The following ADAM23 variants were observed in gnomAD, a reference collection of about 807,000 sequenced individuals.
ADAM23 encodes disintegrin and metalloproteinase domain-containing protein 23.
ADAM23 carries 33 observed loss-of-function variants against 120.1 expected under a neutral mutation model. The observed-to-expected ratio is 0.27, with a 90% CI of 0.21 to 0.37. The LOEUF is 0.37. ADAM23 is among the 10% of genes least tolerant of loss of function. The pLI, the probability that ADAM23 is intolerant of heterozygous loss-of-function variation, is 1.00. For missense variants in ADAM23, 862 were observed against 1,058.2 expected, an observed-to-expected ratio of 0.81 and a Z score of 2.57; for synonymous variants, 367 against 375.2, an observed-to-expected ratio of 0.98 and a Z score of 0.25.
intron 24 of ADAM23, among the ~76,000 whole-genome samples, chr2:206,603,727 T>C (rs1023180162): frequency 2.0e-5 from 3 of 152,234 alleles, no homozygotes; most frequent in Non-Finnish European, 4.4e-5. Context: ...GATTTTGTCT[T>C]GTTTCTGCAG....
At chr2:206,600,558 C>G (rs1265513501) in intron 24 of ADAM23, among the ~76,000 whole-genome samples, 1 of 152,046 alleles carries the variant, frequency 6.6e-6, no homozygotes, top group African/African-American at 2.4e-5. Context: ...AAAATGAAGG[C>G]GAATTCTATG....
chr2:206,530,055 C>T (rs1367232602), intron 3 of ADAM23, among the ~76,000 whole-genome samples: 1 of 152,122 alleles, frequency 6.6e-6, no homozygotes, highest in African/African-American at 2.4e-5. Flanking sequence ...GTGATCCACC[C>T]GCCTCAGCCT....
intron 4 of ADAM23, among the ~76,000 whole-genome samples, chr2:206,532,182 G>A (rs760846294): frequency 2.0e-5 from 3 of 152,128 alleles, no homozygotes; most frequent in African/African-American, 4.8e-5. Context: ...TCTGTCAGCT[G>A]TGCCAGGGCC....
chr2:206,591,640 G>T (rs1477006018), intron 21 of ADAM23, among the ~76,000 whole-genome samples: 2 of 152,110 alleles, frequency 1.3e-5, no homozygotes, highest in African/African-American at 4.8e-5. Context: ...GTGCACATTT[G>T]TACCTCTTTC....
At chr2:206,450,746 T>C (rs941618961) in intron 2 of ADAM23, among the ~76,000 whole-genome samples, 5 of 152,232 alleles carry the variant, frequency 3.3e-5, no homozygotes, top group African/African-American at 4.8e-5. Flanking sequence ...GTTTTTGTTA[T>C]TTTTATGGTG....
At chr2:206,475,150 A>G (rs1387206825) in intron 2 of ADAM23, among the ~76,000 whole-genome samples, 1 of 152,198 alleles carries the variant, frequency 6.6e-6, no homozygotes, top group Non-Finnish European at 1.5e-5. Flanking sequence ...TACCAATTGC[A>G]TGGGGTGCTG....
At chr2:206,501,367 G>T (rs1020140507) in intron 3 of ADAM23, among the ~76,000 whole-genome samples, 1 of 151,194 alleles carries the variant, frequency 6.6e-6, no homozygotes, top group Admixed American at 6.6e-5. Flanking sequence ...ATTCTGTAAC[G>T]TTTTATCCCC....
intron 3 of ADAM23, among the ~76,000 whole-genome samples, chr2:206,519,338 A>C (rs991033895): frequency 6.6e-6 from 1 of 152,170 alleles, no homozygotes; most frequent in Non-Finnish European, 1.5e-5. Flanking sequence ...TTAGCTTGTT[A>C]TTATTTTAAA....
chr2:206,527,444 G>A (rs1200460854), intron 3 of ADAM23, among the ~76,000 whole-genome samples: 2 of 152,098 alleles, frequency 1.3e-5, no homozygotes, highest in Admixed American at 1.3e-4. Context: ...AGTGTTTCTT[G>A]TCCATCATCA....
intron 2 of ADAM23, among the ~76,000 whole-genome samples, chr2:206,464,172 A>G (rs1017392391): frequency 2.0e-5 from 3 of 152,214 alleles, no homozygotes; most frequent in African/African-American, 7.2e-5. Context: ...CAGTTGGATT[A>G]TATTTAACTG....
At chr2:206,516,522 C>T (rs1460851625) in intron 3 of ADAM23, among the ~76,000 whole-genome samples, 1 of 152,028 alleles carries the variant, frequency 6.6e-6, no homozygotes, top group Non-Finnish European at 1.5e-5. Flanking sequence ...CAGAGACCCT[C>T]TTCCTGGCTT....
intron 9 of ADAM23, among the ~76,000 whole-genome samples, chr2:206,553,175 C>G (rs1253915017): frequency 6.6e-6 from 1 of 151,878 alleles, no homozygotes; most frequent in Admixed American, 6.6e-5. Context: ...GTAAGGAGTT[C>G]GAGACCAGCC....
At chr2:206,492,959 A>G (rs1696163465) in intron 3 of ADAM23, among the ~76,000 whole-genome samples, 2 of 152,194 alleles carry the variant, frequency 1.3e-5, no homozygotes, top group Admixed American at 1.3e-4. Flanking sequence ...ACCTTGCTTT[A>G]TTTTGAATAC....
intron 2 of ADAM23, among the ~76,000 whole-genome samples, chr2:206,459,550 T>C (rs1172020301): frequency 6.6e-6 from 1 of 152,220 alleles, no homozygotes; most frequent in Non-Finnish European, 1.5e-5. Flanking sequence ...TTAACTTACT[T>C]GTATGAAACA....
chr2:206,543,171 A>G (rs1697328364), intron 5 of ADAM23, 82 bp from the exon 6 acceptor site: 1 of 1,198,016 alleles, frequency 8.3e-7, no homozygotes, highest in South Asian at 1.2e-5. Flanking sequence ...TTTTGAAGAC[A>G]CAATAATGAA....
At chr2:206,478,303 G>T (rs531295572) in intron 2 of ADAM23, among the ~76,000 whole-genome samples, 4 of 152,240 alleles carry the variant, frequency 2.6e-5, no homozygotes, top group African/African-American at 7.2e-5. Context: ...CATTGACAAA[G>T]AAGATGAATA....
chr2:206,607,011 A>G (rs904147623), intron 24 of ADAM23: 1 of 152,154 alleles, frequency 6.6e-6, no homozygotes, highest in African/African-American at 2.4e-5. Flanking sequence ...TGCTCCTCTT[A>G]CACACTGGAA....
At chr2:206,490,055 T>C (rs1004584294) in intron 3 of ADAM23, among the ~76,000 whole-genome samples, 1 of 152,186 alleles carries the variant, frequency 6.6e-6, no homozygotes, top group African/African-American at 2.4e-5. Context: ...AAAAGGTAAT[T>C]AAGTTAAAAT....
chr2:206,472,221 A>G (rs1158172066), intron 2 of ADAM23, among the ~76,000 whole-genome samples: 1 of 152,162 alleles, frequency 6.6e-6, no homozygotes, highest in Non-Finnish European at 1.5e-5. Context: ...TTTAAAAAGA[A>G]ATATTTAGTG....
Sources: gnomAD v4.1 joint callset for allele counts (sites outside exome capture counted in the v4.1 genomes callset) on GRCh38, gnomAD v4.1.1 for gene constraint, MANE v1.5 for transcripts, NCBI Gene and HGNC (gene_info 2026-07-23, HGNC 2026-07-21) for gene names.